FUT8: variants seen among roughly 807,000 people sequenced by gnomAD.
FUT8 encodes the protein fucosyltransferase 8, also known as alpha-(1,6)-fucosyltransferase.
In FUT8, 29 loss-of-function variants were observed where a neutral mutation model predicts 71.3. That is an observed-to-expected ratio of 0.41 (90% CI 0.30 to 0.55). The LOEUF (loss-of-function observed/expected upper bound fraction) is 0.55, where lower values mean the gene tolerates loss of function less well. Among genes scored for constraint, FUT8 ranks in the 20% least tolerant of loss-of-function variants. The pLI, the probability that FUT8 is intolerant of heterozygous loss-of-function variation, is 0.34. For synonymous variants in FUT8, 254 were observed against 239.3 expected, an observed-to-expected ratio of 1.06 and a Z score of -0.57; for missense variants, 544 against 702.1, an observed-to-expected ratio of 0.77 and a Z score of 2.55.
intron 7 of FUT8, among the ~76,000 whole-genome samples, chr14:65,700,251 A>G (rs1163741378): frequency 2.0e-5 from 3 of 152,008 alleles, no homozygotes; most frequent in Admixed American, 6.6e-5. Context: ...CTGAATATTC[A>G]TATTTTCCCC....
intron 3 of FUT8, among the ~76,000 whole-genome samples, chr14:65,590,160 AT>A (rs540363616): frequency 6.6e-5 from 10 of 152,010 alleles, no homozygotes; most frequent in Non-Finnish European, 1.3e-4. Context: ...ATAAGTTAAC[AT>A]TTTTTTTCTT....
At chr14:65,706,364 C>T (rs760334780) in intron 7 of FUT8, among the ~76,000 whole-genome samples, 1 of 152,164 alleles carries the variant, frequency 6.6e-6, no homozygotes. Context: ...CTTGATGTGC[C>T]TCTCTGCTCC....
intron 2 of FUT8, among the ~76,000 whole-genome samples, chr14:65,506,528 T>G (rs2066737153): frequency 6.6e-6 from 1 of 152,222 alleles, no homozygotes; most frequent in Admixed American, 6.5e-5. Flanking sequence ...TAAATTTGTA[T>G]AGAAGGTATG....
chr14:65,414,904 T>C (rs1306843533), intron 1 of FUT8, among the ~76,000 whole-genome samples: 1 of 152,220 alleles, frequency 6.6e-6, no homozygotes, highest in Non-Finnish European at 1.5e-5. Flanking sequence ...TACGGCCTTA[T>C]ATAGGTTATA....
chr14:65,677,151 T>TGTGTGTGTGTGCGCGC lies in FUT8; in HGVS notation c.835+7672_835+7673insTGTGTGTGTGCGCGCG. 8.4e-3 allele frequency among the ~76,000 whole-genome samples: 931 copies of TGTGTGTGTGTGCGCGC among 110,654 alleles called. 13 individuals carry two copies. Among genetic ancestry groups the TGTGTGTGTGTGCGCGC allele is most frequent in the Admixed American group, 0.011 (122 of 10,900 alleles). The allele number at this position is 110,654 out of a possible 152,430, so 72.6% of individuals were successfully genotyped here. A position where few individuals can be genotyped will look rare whatever the true frequency, so the allele number is the denominator to read the frequency against. ...GTGTGTGTGTGTGTGTGTGTGTGTG[T>TGTGTGTGTGTGCGCGC]GCGCGCGCGCATGCGCGCGCACGTA... is the stretch of plus-strand genomic sequence containing the variant. On this transcript the variant is annotated intron_variant, in intron 7 of 10. Coordinates refer to ENST00000673929, the MANE Select transcript of FUT8 (RefSeq NM_001371533.1).
the FUT8 span, among the ~76,000 whole-genome samples, chr14:65,363,351 C>T: frequency 6.6e-6 from 1 of 151,138 alleles, no homozygotes; most frequent in African/African-American, 2.4e-5. Flanking sequence ...CGAACTCTGA[C>T]CTCAGGTGAT....
At chr14:65,623,510 G>A (rs1247307154) in intron 5 of FUT8, among the ~76,000 whole-genome samples, 1 of 151,994 alleles carries the variant, frequency 6.6e-6, no homozygotes, top group African/African-American at 2.4e-5. Flanking sequence ...CATGAGGCTG[G>A]GAGTTTGAGA....
chr14:65,589,483 G>A (rs540241202), intron 3 of FUT8, among the ~76,000 whole-genome samples: 1 of 123,842 alleles, frequency 8.1e-6, no homozygotes, highest in South Asian at 2.5e-4. Flanking sequence ...TCGCTCTGTC[G>A]CCCAGGCTGG....
At chr14:65,637,184 G>A (rs1053410716) in intron 6 of FUT8, among the ~76,000 whole-genome samples, 13 of 152,090 alleles carry the variant, frequency 8.5e-5, no homozygotes, top group African/African-American at 3.1e-4. Flanking sequence ...AAAACTGCAC[G>A]TTGCTGATAT....
Position 65,638,002 on chromosome 14 carries a change from T to A in FUT8, c.597+8396T>A, listed in dbSNP as rs1453722043. 6.6e-6 allele frequency among the ~76,000 whole-genome samples: 1 copy of A among 152,190 alleles called. No homozygotes were observed. Among genetic ancestry groups the A allele is most frequent in the Non-Finnish European group, 1.5e-5 (1 of 68,030 alleles). On this transcript the variant is annotated intron_variant, in intron 6 of 10. Coordinates refer to ENST00000673929, the MANE Select transcript of FUT8 (RefSeq NM_001371533.1). This position sits in a 1 kb window ranked among gnomAD's most constrained non-coding sequence, Gnocchi z 4.5. The stretch of plus-strand genomic sequence containing the variant: ...AACCACAAAGTTAATGTCATGTTAA[T>A]GACATAATGAGCTTGGTCAAGTTAA...
chr14:65,583,174 T>C (rs1339656077), intron 3 of FUT8, among the ~76,000 whole-genome samples: 1 of 152,110 alleles, frequency 6.6e-6, no homozygotes, highest in Non-Finnish European at 1.5e-5. Context: ...TTTATTTCTT[T>C]TTCTTTTGTT....
chr14:65,415,034 A>C (rs1354999825), intron 1 of FUT8, among the ~76,000 whole-genome samples: 1 of 152,186 alleles, frequency 6.6e-6, no homozygotes, highest in Non-Finnish European at 1.5e-5. Flanking sequence ...TACATCCTGC[A>C]TTGTTTTGTT....
chr14:65,452,681 A>C (rs747285642), intron 1 of FUT8, among the ~76,000 whole-genome samples: 1 of 152,232 alleles, frequency 6.6e-6, no homozygotes, highest in Non-Finnish European at 1.5e-5. Context: ...TAAGGAAACT[A>C]TGGGAAGCTG....
intron 3 of FUT8, among the ~76,000 whole-genome samples, chr14:65,600,763 G>C (rs1286147419): frequency 6.6e-6 from 1 of 152,102 alleles, no homozygotes; most frequent in Non-Finnish European, 1.5e-5. Context: ...CATATGGAAT[G>C]AGCAAATAAG....
At chr14:65,666,417 A>T (rs1435452473) in intron 6 of FUT8, among the ~76,000 whole-genome samples, 1 of 152,190 alleles carries the variant, frequency 6.6e-6, no homozygotes, top group East Asian at 1.9e-4. Context: ...TGTGAACACA[A>T]ATTAGAAAAC....
At chr14:65,577,191 C>T (rs751712808) in intron 3 of FUT8, among the ~76,000 whole-genome samples, 1 of 152,076 alleles carries the variant, frequency 6.6e-6, no homozygotes, top group Non-Finnish European at 1.5e-5. Flanking sequence ...CCTCTTATTT[C>T]TTCTTGCTTT....
intron 6 of FUT8, among the ~76,000 whole-genome samples, chr14:65,635,091 T>C (rs1890472848): frequency 6.6e-6 from 1 of 152,084 alleles, no homozygotes; most frequent in African/African-American, 2.4e-5. Flanking sequence ...TTATTTTTAT[T>C]TTTTGCGGCT....
intron 6 of FUT8, among the ~76,000 whole-genome samples, chr14:65,647,820 A>T (rs1891185571): frequency 6.6e-6 from 1 of 152,138 alleles, no homozygotes; most frequent in Non-Finnish European, 1.5e-5. Context: ...AGTAATGTGG[A>T]CATTGGAGAA....
intron 2 of FUT8, among the ~76,000 whole-genome samples, chr14:65,480,475 C>T (rs1000055133): frequency 3.3e-5 from 5 of 151,608 alleles, no homozygotes; most frequent in East Asian, 1.9e-4. Flanking sequence ...TCCATCATGC[C>T]CAGCTAATTT....
Sources: gnomAD v4.1 joint callset for allele counts (sites outside exome capture counted in the v4.1 genomes callset) on GRCh38, gnomAD v4.1.1 for gene constraint, Gnocchi (gnomAD v3.1) non-coding constraint, MANE v1.5 for transcripts, NCBI Gene and HGNC (gene_info 2026-07-23, HGNC 2026-07-21) for gene names.